The following MBNL2 variants were observed in gnomAD, a reference collection of about 807,000 sequenced individuals.
MBNL2 encodes the protein muscleblind like splicing regulator 2, also known as muscleblind-like protein 2.
A neutral mutation model predicts 41.9 loss-of-function variants in MBNL2; 17 were observed. That is an observed-to-expected ratio of 0.41 (90% CI 0.28 to 0.61). The LOEUF is 0.61. MBNL2 is among the 20% of genes least tolerant of loss of function. The pLI is 0.35. For synonymous variants in MBNL2, 195 were observed against 182.9 expected (o/e 1.07, Z -0.53); for missense variants, 336 against 505.6 (o/e 0.66, Z 3.22).
At chr13:97,162,709 C>A in the MBNL2 span, among the ~76,000 whole-genome samples, 1 of 152,226 alleles carries the variant, frequency 6.6e-6, no homozygotes, top group African/African-American at 2.4e-5. Context: ...TCCACCAGCA[C>A]AGACTGGCTG....
intron 1 of MBNL2, among the ~76,000 whole-genome samples, chr13:97,231,407 A>G (rs1009699175): frequency 1.1e-4 from 16 of 152,324 alleles, no homozygotes; most frequent in African/African-American, 3.6e-4. Flanking sequence ...CCAGAATACA[A>G]TAGCTGCTTT....
At chr13:97,245,748 G>A (rs1156525519) in intron 1 of MBNL2, among the ~76,000 whole-genome samples, 1 of 152,182 alleles carries the variant, frequency 6.6e-6, no homozygotes, top group Non-Finnish European at 1.5e-5. Flanking sequence ...CATCGAAATG[G>A]TATTTTAATA....
At chr13:97,158,973 T>G in the MBNL2 span, among the ~76,000 whole-genome samples, 1 of 150,818 alleles carries the variant, frequency 6.6e-6, no homozygotes, top group Non-Finnish European at 1.5e-5. Flanking sequence ...GTCTCATTGA[T>G]CTGTCTAATG....
At chr13:97,273,381 G>A (rs1264699059) in intron 1 of MBNL2, among the ~76,000 whole-genome samples, 1 of 152,142 alleles carries the variant, frequency 6.6e-6, no homozygotes, top group African/African-American at 2.4e-5. Flanking sequence ...GTCCAGGCTG[G>A]TCTATGAAAC....
At chr13:97,259,526 A>T (rs770353275) in intron 1 of MBNL2, among the ~76,000 whole-genome samples, 2 of 152,138 alleles carry the variant, frequency 1.3e-5, no homozygotes, top group Non-Finnish European at 2.9e-5. Context: ...AATGGGCTCC[A>T]TGCATGTCCC....
chr13:97,258,345 C>CTTCA (rs1407546893), intron 1 of MBNL2, among the ~76,000 whole-genome samples: 1 of 152,120 alleles, frequency 6.6e-6, no homozygotes, highest in Non-Finnish European at 1.5e-5. Flanking sequence ...CTGTAGGCTA[C>CTTCA]TTCATACTTG....
At chr13:97,150,186 C>T in the MBNL2 span, among the ~76,000 whole-genome samples, 2 of 152,362 alleles carry the variant, frequency 1.3e-5, no homozygotes, top group African/African-American at 4.8e-5. Flanking sequence ...AGGCTTTCTA[C>T]TTGCCCACCA....
At chr13:97,313,469 G>T (rs973803923) in intron 2 of MBNL2, among the ~76,000 whole-genome samples, 1 of 152,172 alleles carries the variant, frequency 6.6e-6, no homozygotes, top group African/African-American at 2.4e-5. Flanking sequence ...TTATTGAACA[G>T]AAGAGGGAAA....
chr13:97,208,017 G>A, the MBNL2 span, among the ~76,000 whole-genome samples: 1 of 152,256 alleles, frequency 6.6e-6, no homozygotes, highest in African/African-American at 2.4e-5. Flanking sequence ...GCAAGGGGGT[G>A]AGTTCCCATG....
At chr13:97,385,187 C>A (rs1380217950) in intron 8 of MBNL2, among the ~76,000 whole-genome samples, 2 of 152,214 alleles carry the variant, frequency 1.3e-5, no homozygotes, top group Non-Finnish European at 2.9e-5. Context: ...AAATTCCCAG[C>A]CCTATCCTAG....
At chr13:97,320,404 G>A (rs2059404003) in intron 2 of MBNL2, among the ~76,000 whole-genome samples, 1 of 151,830 alleles carries the variant, frequency 6.6e-6, no homozygotes, top group South Asian at 2.1e-4. Context: ...CTACAGGTGT[G>A]TGTCACCATG....
At chr13:97,189,670 GTGTA>G in the MBNL2 span, among the ~76,000 whole-genome samples, 1 of 152,104 alleles carries the variant, frequency 6.6e-6, no homozygotes, top group Non-Finnish European at 1.5e-5. Flanking sequence ...GTGTGTAAAT[GTGTA>G]TGCATATTTT....
At chr13:97,206,754 G>A in the MBNL2 span, among the ~76,000 whole-genome samples, 2 of 152,114 alleles carry the variant, frequency 1.3e-5, no homozygotes, top group Non-Finnish European at 2.9e-5. Flanking sequence ...TAATAACATA[G>A]TAACAATGAT....
intron 2 of MBNL2, among the ~76,000 whole-genome samples, chr13:97,310,200 A>G (rs2058464003): frequency 6.6e-6 from 1 of 152,120 alleles, no homozygotes; most frequent in Non-Finnish European, 1.5e-5. Context: ...TCTGACTCCA[A>G]AGAGTCGTGT....
intron 8 of MBNL2, among the ~76,000 whole-genome samples, chr13:97,365,534 T>A (rs1210500204): frequency 6.6e-6 from 1 of 152,242 alleles, no homozygotes; most frequent in Non-Finnish European, 1.5e-5. Context: ...TTCATAGTGG[T>A]GTGCCTTTAT....
intron 1 of MBNL2, among the ~76,000 whole-genome samples, chr13:97,269,884 C>A (rs543739129): frequency 5.4e-4 from 82 of 152,302 alleles, no homozygotes; most frequent in African/African-American, 9.6e-4. Flanking sequence ...ATGGAACTAT[C>A]GTAGAGAGAG....
intron 8 of MBNL2, among the ~76,000 whole-genome samples, chr13:97,365,925 C>G (rs772061349): frequency 6.6e-6 from 1 of 152,082 alleles, no homozygotes; most frequent in African/African-American, 2.4e-5. Context: ...TTCAAATAAA[C>G]CACAACCCAC....
At chr13:97,200,089 C>T in the MBNL2 span, among the ~76,000 whole-genome samples, 2 of 152,232 alleles carry the variant, frequency 1.3e-5, no homozygotes, top group Non-Finnish European at 2.9e-5. Flanking sequence ...CTGGATCCCA[C>T]AAGACAAATG....
At chr13:97,186,088 G>A in the MBNL2 span, among the ~76,000 whole-genome samples, 1 of 152,302 alleles carries the variant, frequency 6.6e-6, no homozygotes, top group African/African-American at 2.4e-5. Context: ...TCTCTTCAAT[G>A]TTTGGCCTTA....
Sources: allele counts gnomAD v4.1 joint callset (sites outside exome capture counted in the v4.1 genomes callset), GRCh38; gene constraint gnomAD v4.1.1; transcripts MANE v1.5; gene names NCBI Gene and HGNC (gene_info 2026-07-23, HGNC 2026-07-21).